The following PTPRK variants were observed in gnomAD, a reference collection of about 807,000 sequenced individuals.
PTPRK encodes receptor-type tyrosine-protein phosphatase kappa.
PTPRK carries 75 observed loss-of-function variants against 178.0 expected under a neutral mutation model. The observed-to-expected ratio is 0.42, with a 90% CI of 0.35 to 0.51. The LOEUF is 0.51. Ranked by LOEUF, PTPRK falls within the 20% of genes least tolerant of loss-of-function variation. The pLI, the probability that PTPRK is intolerant of heterozygous loss-of-function variation, is 0.02. For synonymous variants in PTPRK, 637 were observed against 620.6 expected (o/e 1.03, Z -0.39); for missense variants, 1,441 against 1,797.8 (o/e 0.80, Z 3.59).
At chr6:128,329,475 G>C (rs1362868169) in intron 2 of PTPRK, among the ~76,000 whole-genome samples, 1 of 151,400 alleles carries the variant, frequency 6.6e-6, no homozygotes, top group African/African-American at 2.4e-5. Context: ...GGACAGGAGA[G>C]CTGATGGTAT....
intron 7 of PTPRK, among the ~76,000 whole-genome samples, chr6:128,176,958 G>T (rs1801167356): frequency 6.6e-6 from 1 of 151,522 alleles, no homozygotes; most frequent in Non-Finnish European, 1.5e-5. Context: ...ACCTGATTTA[G>T]AGATTTCTTT....
intron 13 of PTPRK, among the ~76,000 whole-genome samples, chr6:128,034,021 A>G (rs1044605950): frequency 6.6e-6 from 1 of 152,208 alleles, no homozygotes; most frequent in Non-Finnish European, 1.5e-5. Context: ...CTTCATACGA[A>G]AAGATATACT....
At chr6:128,354,937 G>C (rs996458904) in intron 2 of PTPRK, among the ~76,000 whole-genome samples, 4 of 152,154 alleles carry the variant, frequency 2.6e-5, no homozygotes, top group African/African-American at 9.7e-5. Flanking sequence ...GCAAATTATA[G>C]CATGTTCTTA....
At chr6:128,390,931 A>T (rs900260125) in intron 2 of PTPRK, among the ~76,000 whole-genome samples, 10 of 151,884 alleles carry the variant, frequency 6.6e-5, no homozygotes, top group Admixed American at 6.6e-4. Flanking sequence ...CTGCAACATC[A>T]TTGTTTTCAA....
intron 25 of PTPRK, among the ~76,000 whole-genome samples, chr6:127,978,175 C>T (rs955484750): frequency 2.6e-5 from 4 of 152,188 alleles, no homozygotes; most frequent in Non-Finnish European, 4.4e-5. Context: ...CCAAGTTACA[C>T]GTGCAGCTGG....
intron 7 of PTPRK, among the ~76,000 whole-genome samples, chr6:128,135,177 C>A (rs998140097): frequency 6.6e-6 from 1 of 151,408 alleles, no homozygotes; most frequent in Non-Finnish European, 1.5e-5. Flanking sequence ...ATTTTGTTTT[C>A]TTCTCTATTT....
intron 15 of PTPRK, among the ~76,000 whole-genome samples, chr6:128,001,622 A>C (rs1369092001): frequency 6.6e-6 from 1 of 151,962 alleles, no homozygotes; most frequent in Non-Finnish European, 1.5e-5. Context: ...ACAGTTTATA[A>C]AACTCATACA....
In PTPRK at chr6:127,976,688, T is replaced by C; in HGVS notation, c.3938A>G (p.Asn1313Ser). 1.9e-6 allele frequency: 3 copies of C among 1,614,044 alleles called. No individual in the cohort carries two copies. The highest frequency in any genetic ancestry group is 1.7e-6 in the Non-Finnish European group (2 of 1,179,974). Residue 1313 changes from asparagine (N) to serine (S), a missense_variant, in exon 27 of 30, where the codon AAC (asparagine) becomes AGC (serine). Coordinates refer to ENST00000368226, the MANE Select transcript of PTPRK (RefSeq NM_002844.4). ...MSCSMDCDVI[N>S]RIFRICNLTR... ...TAGATTGCATATCCTAAAAATCCGG[T>C]TGATCACATCACAGTCCATTGAACA...
intron 8 of PTPRK, chr6:128,085,159 A>G (rs974003089): frequency 1.3e-5 from 2 of 152,206 alleles, no homozygotes; most frequent in African/African-American, 4.8e-5. Context: ...CAATAAACAG[A>G]AAATATGCCA....
intron 15 of PTPRK, among the ~76,000 whole-genome samples, chr6:128,001,746 T>C (rs1047461205): frequency 2.6e-5 from 4 of 151,986 alleles, no homozygotes; most frequent in Admixed American, 6.6e-5. Context: ...TGAGTTCATA[T>C]TGTAAATCCA....
At chr6:128,188,914 C>T (rs1193071360) in intron 6 of PTPRK, among the ~76,000 whole-genome samples, 1 of 152,048 alleles carries the variant, frequency 6.6e-6, no homozygotes, top group Non-Finnish European at 1.5e-5. Flanking sequence ...GCAGTTAGGC[C>T]CCATATGTAT....
intron 1 of PTPRK, among the ~76,000 whole-genome samples, chr6:128,404,710 C>T (rs1841451803): frequency 6.6e-6 from 1 of 152,130 alleles, no homozygotes; most frequent in Non-Finnish European, 1.5e-5. Context: ...TAATTAATTA[C>T]ATGCCAAATA....
At chr6:128,396,353 T>G (rs1258970639) in intron 2 of PTPRK, among the ~76,000 whole-genome samples, 1 of 148,552 alleles carries the variant, frequency 6.7e-6, no homozygotes, top group Non-Finnish European at 1.5e-5. Flanking sequence ...TATATATACA[T>G]AACTATATAT....
intron 6 of PTPRK, among the ~76,000 whole-genome samples, chr6:128,201,566 A>C (rs1389690766): frequency 6.6e-6 from 1 of 152,142 alleles, no homozygotes; most frequent in Non-Finnish European, 1.5e-5. Flanking sequence ...CTACTATAAA[A>C]TGATAGGTTT....
At chr6:128,433,115 C>T (rs1845051453) in intron 1 of PTPRK, among the ~76,000 whole-genome samples, 1 of 152,146 alleles carries the variant, frequency 6.6e-6, no homozygotes, top group Admixed American at 6.6e-5. Flanking sequence ...TTTATTTGTG[C>T]TACGAAGATT....
intron 2 of PTPRK, among the ~76,000 whole-genome samples, chr6:128,329,849 T>C (rs1830039420): frequency 6.6e-6 from 1 of 152,176 alleles, no homozygotes; most frequent in African/African-American, 2.4e-5. Context: ...CTGAGTCTAA[T>C]TGACACACAA....
chr6:128,462,718 T>C (rs9321120), intron 1 of PTPRK, among the ~76,000 whole-genome samples: 39,045 of 151,612 alleles, frequency 0.26, 5,545 homozygotes, highest in African/African-American at 0.36. Context: ...TGCAATGGCA[T>C]GATCTCGGCT....
chr6:128,070,715 C>T (rs115657860), intron 11 of PTPRK, among the ~76,000 whole-genome samples: 2,046 of 151,904 alleles, frequency 0.013, 49 homozygotes, highest in African/African-American at 0.046. Flanking sequence ...ATAACATTCA[C>T]CCCAGTTTCT....
At chr6:128,413,133 A>G (rs957051124) in intron 1 of PTPRK, among the ~76,000 whole-genome samples, 1 of 152,188 alleles carries the variant, frequency 6.6e-6, no homozygotes, top group Non-Finnish European at 1.5e-5. Context: ...GAATATCTGT[A>G]TTTAAGCCCG....
Sources: allele counts gnomAD v4.1 joint callset (sites outside exome capture counted in the v4.1 genomes callset), GRCh38; gene constraint gnomAD v4.1.1; transcripts MANE v1.5; gene names NCBI Gene and HGNC (gene_info 2026-07-23, HGNC 2026-07-21).